Variants in ADAMTSL1 observed in about 807,000 individuals in gnomAD.
ADAMTSL1 encodes ADAMTS like 1.
A neutral mutation model predicts 201.8 loss-of-function variants in ADAMTSL1; 126 were observed. That is an observed-to-expected ratio of 0.62 (90% CI 0.54 to 0.72). The LOEUF is 0.72. Among genes scored for constraint, ADAMTSL1 ranks in the 30% least tolerant of loss-of-function variants. The pLI is 0.00. For missense variants in ADAMTSL1, 2,679 were observed against 2,277.8 expected (o/e 1.18, Z -3.59); for synonymous variants, 1,121 against 903.4 (o/e 1.24, Z -4.32).
chr9:18,567,884 T>C (rs377766239), intron 3 of ADAMTSL1, among the ~76,000 whole-genome samples: 1 of 152,212 alleles, frequency 6.6e-6, no homozygotes, highest in South Asian at 2.1e-4. Flanking sequence ...TTAATATTAT[T>C]GATAGAATTT....
chr9:17,925,792 G>A lies in ADAMTSL1; in HGVS notation c.87+18870G>A, dbSNP rs182818951. ...AGTGGGTGCAGCGCACCAGCATGGC[G>A]CATGTATACGTATGTAACTAACCTG... On this transcript the variant is annotated intron_variant, in intron 1 of 29. Transcript: ENST00000680146. Among the ~76,000 whole-genome samples, 368 of 149,038 alleles carry A rather than the reference G, an allele frequency of 2.5e-3. 1 individual carries two copies. Among genetic ancestry groups the A allele is most frequent in the Non-Finnish European group, 4.0e-3 (269 of 67,338 alleles).
intron 2 of ADAMTSL1, among the ~76,000 whole-genome samples, chr9:18,443,807 G>A (rs930723322): frequency 2.0e-5 from 3 of 152,112 alleles, no homozygotes; most frequent in African/African-American, 7.2e-5. Flanking sequence ...AGAAAAGCTA[G>A]GACTTTCTCT....
At chr9:18,554,370 C>T (rs1182064781) in intron 3 of ADAMTSL1, among the ~76,000 whole-genome samples, 1 of 151,656 alleles carries the variant, frequency 6.6e-6, no homozygotes, top group African/African-American at 2.4e-5. Context: ...TTATGTTATC[C>T]TTATATGCTT....
At chr9:18,020,981 G>T (rs1462253331) in intron 1 of ADAMTSL1, among the ~76,000 whole-genome samples, 1 of 152,094 alleles carries the variant, frequency 6.6e-6, no homozygotes, top group Non-Finnish European at 1.5e-5. Flanking sequence ...GGGCGTGATA[G>T]CCCCAGTGCC....
chr9:18,435,441 A>C (rs897186518), intron 2 of ADAMTSL1, among the ~76,000 whole-genome samples: 2 of 152,198 alleles, frequency 1.3e-5, no homozygotes, highest in South Asian at 4.1e-4. Context: ...TCAAATACTC[A>C]CACAAATATG....
intron 2 of ADAMTSL1, among the ~76,000 whole-genome samples, chr9:18,257,650 A>G (rs1449109838): frequency 6.6e-6 from 1 of 152,224 alleles, no homozygotes; most frequent in Non-Finnish European, 1.5e-5. Flanking sequence ...GCACAGAATT[A>G]CTTTATCATC....
At chr9:18,731,823 C>T (rs1818233324) in intron 15 of ADAMTSL1, among the ~76,000 whole-genome samples, 2 of 152,036 alleles carry the variant, frequency 1.3e-5, no homozygotes, top group African/African-American at 4.8e-5. Context: ...TTTTAAATGA[C>T]CAGATATCAC....
chr9:18,253,121 G>T (rs552528673), intron 2 of ADAMTSL1, among the ~76,000 whole-genome samples: 9 of 152,318 alleles, frequency 5.9e-5, no homozygotes, highest in African/African-American at 2.2e-4. Flanking sequence ...CATGATGAGT[G>T]AGGAAACCAA....
At chr9:18,483,193 G>T (rs974155923) in intron 1 of ADAMTSL1, among the ~76,000 whole-genome samples, 40 of 152,310 alleles carry the variant, frequency 2.6e-4, no homozygotes, top group African/African-American at 9.1e-4. Context: ...TAGAAAAAGT[G>T]TTTGATGTGT....
intron 23 of ADAMTSL1, among the ~76,000 whole-genome samples, chr9:18,839,197 C>A (rs1463014274): frequency 1.6e-5 from 2 of 123,860 alleles, no homozygotes; most frequent in South Asian, 6.2e-4. Flanking sequence ...CCCCACCCCA[C>A]AACAGTCCCC....
intron 2 of ADAMTSL1, among the ~76,000 whole-genome samples, chr9:18,274,412 G>C (rs66916621): frequency 0.054 from 8,265 of 151,978 alleles, 290 homozygotes; most frequent in Non-Finnish European, 0.074. Context: ...CCCCAAATAA[G>C]CAAGTTTTTC....
chr9:17,916,925 T>C (rs1179893840), intron 1 of ADAMTSL1, among the ~76,000 whole-genome samples: 5 of 152,160 alleles, frequency 3.3e-5, no homozygotes, highest in Admixed American at 6.5e-5. Flanking sequence ...AAAACCTCTG[T>C]AGTTAGGTCT....
intron 23 of ADAMTSL1, among the ~76,000 whole-genome samples, chr9:18,839,982 G>C (rs1825607199): frequency 1.3e-5 from 2 of 150,080 alleles, no homozygotes; most frequent in South Asian, 4.3e-4. Flanking sequence ...CCATTTTGTA[G>C]GTTGCCTGTT....
intron 1 of ADAMTSL1, among the ~76,000 whole-genome samples, chr9:18,002,132 A>G (rs764413883): frequency 1.3e-5 from 2 of 151,988 alleles, no homozygotes; most frequent in Non-Finnish European, 2.9e-5. Context: ...AAAGGAAAGA[A>G]TGTTGTCCTG....
intron 2 of ADAMTSL1, among the ~76,000 whole-genome samples, chr9:18,463,587 CCT>C (rs756537999): frequency 6.6e-6 from 1 of 152,130 alleles, no homozygotes; most frequent in Non-Finnish European, 1.5e-5. Flanking sequence ...CATTCTACTC[CCT>C]GTCTCTATGA....
intron 2 of ADAMTSL1, among the ~76,000 whole-genome samples, chr9:18,453,428 T>C (rs1820488435): frequency 6.6e-6 from 1 of 152,178 alleles, no homozygotes; most frequent in African/African-American, 2.4e-5. Flanking sequence ...CTATCTATAC[T>C]AATCTCCTTA....
chr9:18,898,403 C>A (rs1303664170), intron 26 of ADAMTSL1, among the ~76,000 whole-genome samples: 1 of 152,150 alleles, frequency 6.6e-6, no homozygotes, highest in African/African-American at 2.4e-5. Context: ...ATAGACCATG[C>A]AGAAGAAAGA....
At chr9:17,994,454 T>C (rs1020548966) in intron 1 of ADAMTSL1, among the ~76,000 whole-genome samples, 30 of 152,174 alleles carry the variant, frequency 2.0e-4, no homozygotes, top group African/African-American at 6.5e-4. Context: ...GACATTTTCA[T>C]TGGGAATTGT....
intron 5 of ADAMTSL1, among the ~76,000 whole-genome samples, chr9:18,629,980 G>GT (rs199517334): frequency 1.7e-3 from 228 of 130,950 alleles, no homozygotes; most frequent in South Asian, 5.0e-3. Flanking sequence ...AATATGTGCT[G>GT]TTTTTTTTGT....
Sources: gnomAD v4.1 joint callset for allele counts (sites outside exome capture counted in the v4.1 genomes callset) on GRCh38, gnomAD v4.1.1 for gene constraint, MANE v1.5 for transcripts, NCBI Gene and HGNC (gene_info 2026-07-23, HGNC 2026-07-21) for gene names.